PSEN1: variants seen among roughly 807,000 people sequenced by gnomAD.
The protein encoded by PSEN1 is presenilin 1, also known as presenilin-1.
PSEN1 carries 15 observed loss-of-function variants against 53.5 expected under a neutral mutation model. The observed-to-expected ratio is 0.28, with a 90% CI of 0.19 to 0.43. The LOEUF is 0.43. Among genes scored for constraint, PSEN1 ranks in the 20% least tolerant of loss-of-function variants. PSEN1 has a pLI of 1.00. For missense variants in PSEN1, 387 were observed against 571.2 expected, an observed-to-expected ratio of 0.68 and a Z score of 3.29; for synonymous variants, 208 against 209.8, an observed-to-expected ratio of 0.99 and a Z score of 0.08.
At chr14:73,181,626 G>A (rs1898216818) in intron 5 of PSEN1, among the ~76,000 whole-genome samples, 1 of 152,122 alleles carries the variant, frequency 6.6e-6, no homozygotes. Flanking sequence ...AATAATATTT[G>A]GTGGCATGAG....
chr14:73,212,301 G>A (rs905351962), intron 10 of PSEN1, among the ~76,000 whole-genome samples: 2 of 151,254 alleles, frequency 1.3e-5, no homozygotes, highest in Non-Finnish European at 2.9e-5. Context: ...AGTAGAGATG[G>A]GGTTTCACCA....
At chr14:73,167,117 T>C (rs1240955698) in intron 3 of PSEN1, among the ~76,000 whole-genome samples, 1 of 147,854 alleles carries the variant, frequency 6.8e-6, no homozygotes, top group East Asian at 2.0e-4. Flanking sequence ...TCATGGTTCT[T>C]GAGGCTGGAA....
intron 5 of PSEN1, among the ~76,000 whole-genome samples, chr14:73,178,773 T>C (rs943594637): frequency 2.0e-5 from 3 of 152,204 alleles, no homozygotes; most frequent in African/African-American, 7.2e-5. Flanking sequence ...CCTTACTTCT[T>C]GGAGCATTTT....
chr14:73,152,200 G>C (rs1461779523), intron 3 of PSEN1, among the ~76,000 whole-genome samples: 2 of 151,292 alleles, frequency 1.3e-5, no homozygotes, highest in African/African-American at 4.9e-5. Flanking sequence ...TTAATGTGAG[G>C]AAAGGTCACA....
At chr14:73,148,537 C>G (rs774687713) in intron 3 of PSEN1, among the ~76,000 whole-genome samples, 2 of 152,146 alleles carry the variant, frequency 1.3e-5, no homozygotes, top group African/African-American at 2.4e-5. Flanking sequence ...AGGAGGGATT[C>G]AGGAAAAGAA....
At position 73,204,528 on chromosome 14, in the gene PSEN1, TAAAA is replaced by T. The variant is rs34528538; in HGVS notation, c.869-1846_869-1843del. Among the ~76,000 whole-genome samples, 5 of 138,372 alleles carry T rather than the reference TAAAA, an allele frequency of 3.6e-5. No homozygotes were observed. The East Asian group carries it at 6.1e-4, about 17-fold the overall frequency. 90.8% of individuals were successfully genotyped at this position (138,372 alleles called of 152,430 possible). A position where few individuals can be genotyped will look rare whatever the true frequency, so the allele number is the denominator to read the frequency against. On this transcript the variant is annotated intron_variant, in intron 8 of 11. Coordinates refer to ENST00000324501, the MANE Select transcript of PSEN1 (RefSeq NM_000021.4). ...ATAAGCTAAAAATGCTTTTTACATT[TAAAA>T]AAAAAAAAAAAGAACAAGGAAGAAT...
chr14:73,139,030 A>G (rs1304729370), intron 1 of PSEN1, among the ~76,000 whole-genome samples: 1 of 144,238 alleles, frequency 6.9e-6, no homozygotes, highest in Non-Finnish European at 1.5e-5. Context: ...ACGCCTGTAA[A>G]CCCAGCACTT....
intron 3 of PSEN1, among the ~76,000 whole-genome samples, chr14:73,154,434 C>CAAA (rs33930642): frequency 1.4e-3 from 202 of 147,828 alleles, no homozygotes; most frequent in African/African-American, 4.8e-3. Flanking sequence ...CTTGTCTCTA[C>CAAA]AAAAAAAAAA....
intron 3 of PSEN1, among the ~76,000 whole-genome samples, chr14:73,163,392 A>G (rs1453466214): frequency 6.6e-6 from 1 of 152,256 alleles, no homozygotes; most frequent in Non-Finnish European, 1.5e-5. Context: ...AGCTTGGGCA[A>G]CATGGTGAAA....
At chr14:73,178,963 C>T (rs924347997) in intron 5 of PSEN1, among the ~76,000 whole-genome samples, 10 of 152,042 alleles carry the variant, frequency 6.6e-5, no homozygotes, top group African/African-American at 1.4e-4. Context: ...TTGTCAGGGT[C>T]GGTGTGTACT....
chr14:73,141,134 T>A (rs1896913223), intron 1 of PSEN1, among the ~76,000 whole-genome samples: 1 of 152,112 alleles, frequency 6.6e-6, no homozygotes, highest in Non-Finnish European at 1.5e-5. Flanking sequence ...GCCCAAAGAC[T>A]TAGGAGTGGG....
At position 73,219,336 on chromosome 14, in the gene PSEN1, C is replaced by T. The variant is rs1238453092; in HGVS notation, c.*47C>T. 16 of 1,569,100 alleles carry T rather than the reference C, an allele frequency of 1.0e-5. No homozygotes were observed. The highest frequency in any genetic ancestry group is 1.3e-5 in the Non-Finnish European group (15 of 1,141,558). ...ATGGATGTTTCTTCTTTGACTATAA[C>T]AAAATCTGGGGAGGACAAAGGTGAT... On this transcript the variant is annotated 3_prime_UTR_variant, in exon 12 of 12. Transcript: ENST00000324501.
rs190953913 is a variant in PSEN1, at chr14:73,204,779, G to A, written c.869-1607G>A. On this transcript the variant is annotated intron_variant, in intron 8 of 11. Transcript: ENST00000324501. ...AGGCTGGGTGCAGTGGCTCATGCCT[G>A]TAATCCTAGCACTTTGGGAGGCTGA... Among the ~76,000 whole-genome samples the A allele has an allele frequency of 9.9e-5, 15 of 152,282 alleles. No individual in the cohort carries two copies. In the East Asian group the frequency reaches 2.7e-3, roughly 27 times the overall value.
upstream of PSEN1, chr14:73,136,492 C>T (rs962603028): frequency 3.3e-5 from 5 of 152,904 alleles, no homozygotes; most frequent in East Asian, 1.9e-4. Context: ...GCTCCGGGGT[C>T]CGCGGTTTCA....
At chr14:73,137,864 T>G (rs1478325541) in intron 1 of PSEN1, among the ~76,000 whole-genome samples, 2 of 152,028 alleles carry the variant, frequency 1.3e-5, no homozygotes, top group African/African-American at 2.4e-5. Flanking sequence ...GGCGGATCCT[T>G]GAGCTGAGGA....
chr14:73,155,389 T>A (rs774903216), intron 3 of PSEN1, among the ~76,000 whole-genome samples: 12 of 152,224 alleles, frequency 7.9e-5, no homozygotes, highest in Non-Finnish European at 1.5e-4. Flanking sequence ...ACTGAATGAT[T>A]AGTACACTAC....
intron 5 of PSEN1, among the ~76,000 whole-genome samples, chr14:73,182,597 A>C (rs1005250095): frequency 4.6e-5 from 7 of 152,190 alleles, no homozygotes; most frequent in Non-Finnish European, 7.4e-5. Context: ...TAATCCCAGC[A>C]CTGTGGGAGG....
intron 3 of PSEN1, among the ~76,000 whole-genome samples, chr14:73,160,589 A>G (rs1897499269): frequency 6.6e-6 from 1 of 152,012 alleles, no homozygotes; most frequent in African/African-American, 2.4e-5. Context: ...GGTAGTGGCC[A>G]TCCTAACGGG....
At chr14:73,167,259 C>G (rs1002119681) in intron 3 of PSEN1, among the ~76,000 whole-genome samples, 1 of 152,176 alleles carries the variant, frequency 6.6e-6, no homozygotes, top group African/African-American at 2.4e-5. Context: ...AACGACATTG[C>G]AGGTTCAGTA....
Sources: gnomAD v4.1 joint callset for allele counts (sites outside exome capture counted in the v4.1 genomes callset) on GRCh38, gnomAD v4.1.1 for gene constraint, MANE v1.5 for transcripts, NCBI Gene and HGNC (gene_info 2026-07-23, HGNC 2026-07-21) for gene names.